Variants in LRRTM4 observed in about 807,000 individuals in gnomAD.
The protein encoded by LRRTM4 is leucine-rich repeat transmembrane neuronal protein 4.
In LRRTM4, 25 loss-of-function variants were observed where a neutral mutation model predicts 47.6. The ratio of observed to expected loss-of-function variants is 0.53; its 90% confidence interval spans 0.38 to 0.73. The LOEUF is 0.73. Ranked by LOEUF, LRRTM4 falls within the 30% of genes least tolerant of loss-of-function variation. LRRTM4 has a pLI of 0.00. For missense variants in LRRTM4, 638 were observed against 713.4 expected, an observed-to-expected ratio of 0.89 and a Z score of 1.20; for synonymous variants, 311 against 269.5, an observed-to-expected ratio of 1.15 and a Z score of -1.51.
chr2:76,934,820 T>C (rs1299290660), intron 3 of LRRTM4, among the ~76,000 whole-genome samples: 1 of 152,202 alleles, frequency 6.6e-6, no homozygotes, highest in African/African-American at 2.4e-5. Flanking sequence ...AGAAATCCTG[T>C]AGACATTTAC....
At chr2:77,079,989 A>G (rs1020439494) in intron 3 of LRRTM4, among the ~76,000 whole-genome samples, 1 of 152,054 alleles carries the variant, frequency 6.6e-6, no homozygotes, top group Non-Finnish European at 1.5e-5. Context: ...AAATTCTCCA[A>G]AGAGTTATTT....
At chr2:77,271,623 C>T (rs1256856680) in intron 3 of LRRTM4, among the ~76,000 whole-genome samples, 1 of 152,176 alleles carries the variant, frequency 6.6e-6, no homozygotes. Context: ...CTAGAGTCTA[C>T]ACCATATCAT....
chr2:77,079,271 A>C (rs1039107932), intron 3 of LRRTM4, among the ~76,000 whole-genome samples: 33 of 152,222 alleles, frequency 2.2e-4, no homozygotes, highest in Admixed American at 1.8e-3. Context: ...TTTTAAATGC[A>C]ATGAAGTCTT....
intron 3 of LRRTM4, among the ~76,000 whole-genome samples, chr2:77,031,106 AACAT>A (rs1254903972): frequency 6.6e-6 from 1 of 152,172 alleles, no homozygotes; most frequent in Non-Finnish European, 1.5e-5. Flanking sequence ...TCTTATGTAG[AACAT>A]ACATTTACAG....
chr2:77,165,089 G>T (rs1235442660), intron 3 of LRRTM4, among the ~76,000 whole-genome samples: 1 of 152,012 alleles, frequency 6.6e-6, no homozygotes, highest in Non-Finnish European at 1.5e-5. Flanking sequence ...GAAGAAAATA[G>T]AGAAGAATCA....
intron 3 of LRRTM4, among the ~76,000 whole-genome samples, chr2:77,383,314 T>C (rs1207832669): frequency 6.6e-6 from 1 of 152,112 alleles, no homozygotes; most frequent in Non-Finnish European, 1.5e-5. Flanking sequence ...TTTCTGCTTC[T>C]TCTTACAGAC....
At chr2:77,089,640 C>A (rs1303870768) in intron 3 of LRRTM4, among the ~76,000 whole-genome samples, 4 of 151,902 alleles carry the variant, frequency 2.6e-5, no homozygotes, top group East Asian at 1.9e-4. Flanking sequence ...ACTATGGGAA[C>A]CTTCCACCCT....
intron 3 of LRRTM4, among the ~76,000 whole-genome samples, chr2:76,817,982 CTTTT>C (rs546761453): frequency 1.3e-5 from 2 of 151,824 alleles, no homozygotes; most frequent in African/African-American, 2.4e-5. Context: ...GTTTCATGCT[CTTTT>C]AAACTATGAA....
At chr2:77,265,947 C>T (rs1398679935) in intron 3 of LRRTM4, among the ~76,000 whole-genome samples, 1 of 152,152 alleles carries the variant, frequency 6.6e-6, no homozygotes, top group Admixed American at 6.6e-5. Context: ...CATAACATTA[C>T]TTGTTGAAAA....
At chr2:77,267,185 G>A (rs932493914) in intron 3 of LRRTM4, among the ~76,000 whole-genome samples, 4 of 152,046 alleles carry the variant, frequency 2.6e-5, no homozygotes, top group African/African-American at 7.2e-5. Context: ...GAATAGAATC[G>A]AATATTTAAA....
chr2:77,233,847 C>T (rs890176100), intron 3 of LRRTM4, among the ~76,000 whole-genome samples: 6 of 152,212 alleles, frequency 3.9e-5, no homozygotes, highest in Admixed American at 2.6e-4. Flanking sequence ...AGTGCAACAG[C>T]GCGATCTTGG....
At chr2:77,032,441 A>G (rs1346310598) in intron 3 of LRRTM4, among the ~76,000 whole-genome samples, 1 of 152,088 alleles carries the variant, frequency 6.6e-6, no homozygotes, top group Admixed American at 6.6e-5. Flanking sequence ...TCCTTCCACT[A>G]GATTATGAGG....
intron 3 of LRRTM4, among the ~76,000 whole-genome samples, chr2:76,792,375 T>C (rs1404016370): frequency 6.6e-6 from 1 of 152,144 alleles, no homozygotes; most frequent in Non-Finnish European, 1.5e-5. Flanking sequence ...AAAGTGGTTA[T>C]AGAAGGCTAA....
intron 3 of LRRTM4, among the ~76,000 whole-genome samples, chr2:76,779,046 T>C (rs909216826): frequency 7.3e-6 from 1 of 136,094 alleles, no homozygotes; most frequent in African/African-American, 2.9e-5. Context: ...AGCAGGTTGT[T>C]CAGTTTCCAT....
intron 3 of LRRTM4, among the ~76,000 whole-genome samples, chr2:76,881,551 T>C (rs192141521): frequency 1.3e-5 from 2 of 152,102 alleles, no homozygotes; most frequent in East Asian, 3.9e-4. Context: ...GATACTGAAT[T>C]TATGTTAATG....
chr2:77,157,288 T>C (rs191541481), intron 3 of LRRTM4, among the ~76,000 whole-genome samples: 1 of 152,212 alleles, frequency 6.6e-6, no homozygotes, highest in Admixed American at 6.5e-5. Context: ...GGAAGGTAAT[T>C]ATGAGGAGGG....
At chr2:76,764,644 A>G (rs1296433771) in intron 3 of LRRTM4, among the ~76,000 whole-genome samples, 1 of 152,124 alleles carries the variant, frequency 6.6e-6, no homozygotes, top group Non-Finnish European at 1.5e-5. Flanking sequence ...ACAAAACAAA[A>G]AAAACAAACA....
intron 3 of LRRTM4, among the ~76,000 whole-genome samples, chr2:77,446,035 A>G (rs1676037203): frequency 6.6e-6 from 1 of 152,068 alleles, no homozygotes; most frequent in South Asian, 2.1e-4. Context: ...CCTTTGAGAC[A>G]GGGTTGGGGA....
At chr2:77,234,035 G>A (rs929489928) in intron 3 of LRRTM4, among the ~76,000 whole-genome samples, 4 of 151,916 alleles carry the variant, frequency 2.6e-5, no homozygotes, top group Non-Finnish European at 5.9e-5. Flanking sequence ...CACCCGCCTC[G>A]GCCTCCCAAA....
Sources: allele counts gnomAD v4.1 joint callset (sites outside exome capture counted in the v4.1 genomes callset), GRCh38; gene constraint gnomAD v4.1.1; transcripts MANE v1.5; gene names NCBI Gene and HGNC (gene_info 2026-07-23, HGNC 2026-07-21).